The following TMTC2 variants were observed in gnomAD, a reference collection of about 807,000 sequenced individuals.
TMTC2 encodes protein O-mannosyl-transferase TMTC2.
In TMTC2, 43 loss-of-function variants were observed where a neutral mutation model predicts 82.4. That is an observed-to-expected ratio of 0.52 (90% confidence interval 0.41 to 0.67). TMTC2 has a LOEUF of 0.67. Among genes scored for constraint, TMTC2 ranks in the 30% least tolerant of loss-of-function variants. TMTC2 has a pLI of 0.00. For missense variants in TMTC2, 919 were observed against 1,012.4 expected, an observed-to-expected ratio of 0.91 and a Z score of 1.25; for synonymous variants, 408 against 381.9, an observed-to-expected ratio of 1.07 and a Z score of -0.80.
intron 8 of TMTC2, among the ~76,000 whole-genome samples, chr12:82,999,757 G>T (rs143286721): frequency 8.5e-5 from 13 of 152,282 alleles, no homozygotes; most frequent in African/African-American, 2.9e-4. Context: ...TCTCTCACCA[G>T]GTCCCTTCCA....
At chr12:83,021,047 A>G (rs1409903968) in intron 8 of TMTC2, among the ~76,000 whole-genome samples, 1 of 152,142 alleles carries the variant, frequency 6.6e-6, no homozygotes, top group Admixed American at 6.6e-5. Flanking sequence ...GTTATTTAAA[A>G]TGGTCCTGTA....
At chr12:82,741,338 TCTTG>T (rs1464090245) in intron 1 of TMTC2, among the ~76,000 whole-genome samples, 1 of 152,206 alleles carries the variant, frequency 6.6e-6, no homozygotes, top group Non-Finnish European at 1.5e-5. Context: ...TTAGACGGAA[TCTTG>T]CTCTGTTGCC....
rs188508468 is a variant in TMTC2 at position 82,807,693 on chromosome 12, G to C, written c.84-49317G>C. Among the ~76,000 whole-genome samples, 4 of 152,124 alleles carry C rather than the reference G, an allele frequency of 2.6e-5. No individual in the cohort carries two copies. In the East Asian group the frequency reaches 7.7e-4, roughly 29 times the overall value. On this transcript the variant is annotated intron_variant, in intron 1 of 11. Transcript: ENST00000321196. ...GAGGTAGAATGTGTCCTTACAGAAA[G>C]AGCTAACAAATACAAAATATCCAGA...
intron 1 of TMTC2, among the ~76,000 whole-genome samples, chr12:82,848,107 T>C (rs1448843921): frequency 6.6e-6 from 1 of 152,130 alleles, no homozygotes; most frequent in African/African-American, 2.4e-5. Context: ...TGAAGATCAT[T>C]GAGAGATTCA....
At chr12:82,913,633 G>C (rs373053686) in intron 3 of TMTC2, among the ~76,000 whole-genome samples, 1 of 152,150 alleles carries the variant, frequency 6.6e-6, no homozygotes, top group South Asian at 2.1e-4. Context: ...CATATTTCCT[G>C]ATTTTTCCTC....
At chr12:82,931,054 G>A (rs1183319842) in intron 4 of TMTC2, among the ~76,000 whole-genome samples, 1 of 152,086 alleles carries the variant, frequency 6.6e-6, no homozygotes, top group Non-Finnish European at 1.5e-5. Flanking sequence ...GACTGCAGGT[G>A]CCTGTCACCA....
At chr12:82,874,010 A>C (rs1435758670) in intron 2 of TMTC2, among the ~76,000 whole-genome samples, 1 of 152,220 alleles carries the variant, frequency 6.6e-6, no homozygotes, top group Non-Finnish European at 1.5e-5. Flanking sequence ...ACGATTCTAT[A>C]AAAATTTAAT....
chr12:83,065,570 A>G (rs1882889501), intron 11 of TMTC2, among the ~76,000 whole-genome samples: 1 of 151,984 alleles, frequency 6.6e-6, no homozygotes, highest in Non-Finnish European at 1.5e-5. Context: ...ATAATACATT[A>G]AAACATGTTT....
chr12:83,116,674 C>G (rs1250208638), intron 11 of TMTC2, among the ~76,000 whole-genome samples: 1 of 152,174 alleles, frequency 6.6e-6, no homozygotes, highest in Non-Finnish European at 1.5e-5. Flanking sequence ...ATTTGCATTT[C>G]CCTGAACATT....
chr12:82,859,235 T>G (rs1051051647), intron 2 of TMTC2, among the ~76,000 whole-genome samples: 2 of 152,018 alleles, frequency 1.3e-5, no homozygotes, highest in Non-Finnish European at 2.9e-5. Context: ...GCTCAGCTAA[T>G]TTTTGTATTT....
chr12:82,900,812 T>G (rs1253022967), intron 3 of TMTC2, among the ~76,000 whole-genome samples: 2 of 132,802 alleles, frequency 1.5e-5, no homozygotes, highest in African/African-American at 5.5e-5. Flanking sequence ...TATATATATA[T>G]AGGAATATAT....
intron 11 of TMTC2, among the ~76,000 whole-genome samples, chr12:83,062,067 C>T (rs935682390): frequency 2.6e-5 from 4 of 151,758 alleles, no homozygotes; most frequent in Non-Finnish European, 4.4e-5. Context: ...GTCTTCTAGC[C>T]TGTATAAAGC....
chr12:82,851,719 A>T (rs568244047), intron 1 of TMTC2, among the ~76,000 whole-genome samples: 215 of 152,230 alleles, frequency 1.4e-3, no homozygotes, highest in African/African-American at 5.0e-3. Flanking sequence ...AGAACATTTC[A>T]ACCTACTGTT....
At chr12:82,806,418 G>A (rs1450276655) in intron 1 of TMTC2, among the ~76,000 whole-genome samples, 2 of 152,226 alleles carry the variant, frequency 1.3e-5, no homozygotes, top group South Asian at 2.1e-4. Context: ...ATTTGGCATT[G>A]TATTTATTTT....
intron 1 of TMTC2, among the ~76,000 whole-genome samples, chr12:82,732,010 C>T (rs928600191): frequency 9.9e-5 from 15 of 152,124 alleles, no homozygotes; most frequent in Admixed American, 9.8e-4. Flanking sequence ...GATGCTTAGA[C>T]AAGGGTTGGG....
At chr12:82,974,934 G>T (rs567668990) in intron 7 of TMTC2, among the ~76,000 whole-genome samples, 2 of 152,104 alleles carry the variant, frequency 1.3e-5, no homozygotes, top group Non-Finnish European at 2.9e-5. Context: ...CAAGGGAGAC[G>T]GGAGAGAGAG....
At chr12:83,097,322 TCACACATGCAAA>T (rs1015608777) in intron 11 of TMTC2, among the ~76,000 whole-genome samples, 10 of 152,158 alleles carry the variant, frequency 6.6e-5, no homozygotes, top group African/African-American at 1.7e-4. Context: ...AAGCACACAC[TCACACATGCAAA>T]CACAAATGAA....
At chr12:82,872,612 T>C (rs1342837700) in intron 2 of TMTC2, among the ~76,000 whole-genome samples, 2 of 152,116 alleles carry the variant, frequency 1.3e-5, no homozygotes, top group South Asian at 2.1e-4. Context: ...GTAATTCAGA[T>C]AAATTTTTTT....
rs189679699 is a variant in TMTC2, at chr12:82,774,239, A to G, written c.84-82771A>G. Among the ~76,000 whole-genome samples, 741 of 152,254 alleles carry G rather than the reference A, an allele frequency of 4.9e-3. 18 individuals carry two copies. The highest frequency in any genetic ancestry group is 0.034 in the Middle Eastern group (10 of 294). On this transcript the variant is annotated intron_variant, in intron 1 of 11. Transcript: ENST00000321196. ...CAAATGTATATGTGTATATATGTGT[A>G]TGTGTGTGTATATGTGTGTATGTAT...
Sources: gnomAD v4.1 joint callset for allele counts (sites outside exome capture counted in the v4.1 genomes callset) on GRCh38, gnomAD v4.1.1 for gene constraint, MANE v1.5 for transcripts, NCBI Gene and HGNC (gene_info 2026-07-23, HGNC 2026-07-21) for gene names.